GAB1: variants seen among roughly 807,000 people sequenced by gnomAD.
The protein encoded by GAB1 is GRB2 associated binding protein 1, also known as GRB2-associated-binding protein 1.
In GAB1, 19 loss-of-function variants were observed where a neutral mutation model predicts 66.5. The observed-to-expected ratio is 0.29, with a 90% CI of 0.20 to 0.42. The LOEUF is 0.42. GAB1 is among the 10% of genes least tolerant of loss of function. GAB1 has a pLI of 1.00. For missense variants in GAB1, 732 were observed against 858.5 expected (o/e 0.85, Z 1.84); for synonymous variants, 294 against 301.4 (o/e 0.98, Z 0.25).
chr4:143,393,840 T>G (rs1171794680), intron 1 of GAB1, among the ~76,000 whole-genome samples: 1 of 152,066 alleles, frequency 6.6e-6, no homozygotes, highest in Non-Finnish European at 1.5e-5. Flanking sequence ...AAAAGGACAA[T>G]CAAAGCTCTT....
chr4:143,405,363 C>T (rs1311777935), intron 1 of GAB1, among the ~76,000 whole-genome samples: 3 of 152,154 alleles, frequency 2.0e-5, no homozygotes, highest in African/African-American at 7.2e-5. Flanking sequence ...AACATATTGG[C>T]ACGGTTTCAG....
intron 1 of GAB1, among the ~76,000 whole-genome samples, chr4:143,363,496 G>A (rs182426565): frequency 1.4e-3 from 207 of 152,176 alleles, no homozygotes; most frequent in African/African-American, 4.6e-3. Context: ...AACCTGAATA[G>A]GAACCTGTTA....
chr4:143,372,371 G>A (rs12649592), intron 1 of GAB1, among the ~76,000 whole-genome samples: 76,901 of 152,024 alleles, frequency 0.51, 20,382 homozygotes, highest in African/African-American at 0.66. Context: ...AATGCTTGCT[G>A]TAGGCCAGGA....
chr4:143,371,415 ATTTG>A (rs1239368183), intron 1 of GAB1, among the ~76,000 whole-genome samples: 12 of 152,076 alleles, frequency 7.9e-5, no homozygotes, highest in African/African-American at 2.9e-4. Flanking sequence ...TTTCTTGTAA[ATTTG>A]TTTAAGTTCT....
chr4:143,366,280 C>T (rs1202326209), intron 1 of GAB1, among the ~76,000 whole-genome samples: 2 of 152,186 alleles, frequency 1.3e-5, no homozygotes, highest in African/African-American at 2.4e-5. Flanking sequence ...AGCATATTTA[C>T]ATTCATTAAT....
intron 3 of GAB1, among the ~76,000 whole-genome samples, chr4:143,436,613 A>G (rs1733955618): frequency 6.6e-6 from 1 of 152,158 alleles, no homozygotes; most frequent in African/African-American, 2.4e-5. Context: ...GCTAAGAAGA[A>G]GGGCTCGGTG....
intron 1 of GAB1, among the ~76,000 whole-genome samples, chr4:143,397,477 G>A (rs576907641): frequency 1.4e-4 from 22 of 152,130 alleles, no homozygotes; most frequent in Admixed American, 5.9e-4. Context: ...CTGCTGCTTC[G>A]TTGTTTTGTT....
intron 1 of GAB1, among the ~76,000 whole-genome samples, chr4:143,374,709 A>G (rs1374899370): frequency 6.6e-6 from 1 of 152,170 alleles, no homozygotes; most frequent in African/African-American, 2.4e-5. Flanking sequence ...GCTCTCATGA[A>G]CACTTGTCCT....
intron 2 of GAB1, chr4:143,425,267 TGTCA>T (rs2149733922): frequency 1.1e-6 from 1 of 947,958 alleles, no homozygotes; most frequent in Non-Finnish European, 1.7e-6. Context: ...ACCCTGCAGA[TGTCA>T]GTGTTATATC....
At chr4:143,389,981 A>G (rs965543588) in intron 1 of GAB1, among the ~76,000 whole-genome samples, 3 of 152,214 alleles carry the variant, frequency 2.0e-5, no homozygotes, top group Admixed American at 1.3e-4. Flanking sequence ...GTGTGTCCTC[A>G]TATTACTAAA....
intron 1 of GAB1, among the ~76,000 whole-genome samples, chr4:143,367,079 A>G (rs532095808): frequency 6.6e-6 from 1 of 152,244 alleles, no homozygotes; most frequent in African/African-American, 2.4e-5. Flanking sequence ...ATTGTCTCTC[A>G]TTTCAGATTC....
intron 8 of GAB1, among the ~76,000 whole-genome samples, chr4:143,462,823 G>A (rs376687245): frequency 4.6e-5 from 7 of 152,080 alleles, no homozygotes; most frequent in African/African-American, 1.4e-4. Flanking sequence ...CACCACACAC[G>A]ACTAATTTTT....
chr4:143,421,693 CTTTTCTTTTTTTTTTT>C, intron 2 of GAB1, among the ~76,000 whole-genome samples: 1 of 103,104 alleles, frequency 9.7e-6, no homozygotes, highest in African/African-American at 4.7e-5. Context: ...CTTTTCTTTT[CTTTTCTTTTTTTTTTT>C]TTTTGCATAT....
At chr4:143,448,344 T>G (rs558123382) in intron 6 of GAB1, among the ~76,000 whole-genome samples, 2 of 152,034 alleles carry the variant, frequency 1.3e-5, no homozygotes, top group Admixed American at 6.5e-5. Flanking sequence ...TTCTATTGAT[T>G]GGAATAGTTT....
At chr4:143,361,786 T>A (rs1407362938) in intron 1 of GAB1, among the ~76,000 whole-genome samples, 2 of 152,146 alleles carry the variant, frequency 1.3e-5, no homozygotes, top group Non-Finnish European at 2.9e-5. Context: ...TGTAACTGCT[T>A]GAGATTCTAA....
chr4:143,367,026 G>T (rs1243312639), intron 1 of GAB1, among the ~76,000 whole-genome samples: 2 of 151,922 alleles, frequency 1.3e-5, no homozygotes, highest in African/African-American at 4.8e-5. Flanking sequence ...ACTGTATTTT[G>T]TCCAGGCCAC....
chr4:143,461,292 CAA>C (rs1228073052), intron 8 of GAB1, among the ~76,000 whole-genome samples: 3 of 152,164 alleles, frequency 2.0e-5, no homozygotes, highest in Admixed American at 6.5e-5. Context: ...ATTTGTGACT[CAA>C]GAGAGAAGTT....
At chr4:143,381,277 C>T (rs1409372971) in intron 1 of GAB1, among the ~76,000 whole-genome samples, 1 of 152,166 alleles carries the variant, frequency 6.6e-6, no homozygotes, top group Non-Finnish European at 1.5e-5. Flanking sequence ...GGCTAGCACA[C>T]AGTAGGTATT....
chr4:143,376,077 A>C (rs981081702), intron 1 of GAB1, among the ~76,000 whole-genome samples: 5 of 150,516 alleles, frequency 3.3e-5, no homozygotes, highest in African/African-American at 1.2e-4. Flanking sequence ...ATCCTGGAGA[A>C]CTCCTCGCCC....
Sources: gnomAD v4.1 joint callset for allele counts (sites outside exome capture counted in the v4.1 genomes callset) on GRCh38, gnomAD v4.1.1 for gene constraint, MANE v1.5 for transcripts, NCBI Gene and HGNC (gene_info 2026-07-23, HGNC 2026-07-21) for gene names.